Variants in RGL1 observed in about 807,000 individuals in gnomAD.
RGL1 encodes the protein ral guanine nucleotide dissociation stimulator-like 1.
A neutral mutation model predicts 95.2 loss-of-function variants in RGL1; 24 were observed. The ratio of observed to expected loss-of-function variants is 0.25; its 90% CI spans 0.18 to 0.35. The LOEUF is 0.35. Among genes scored for constraint, RGL1 ranks in the 10% least tolerant of loss-of-function variants. The probability of loss-of-function intolerance (pLI) is 1.00; values close to 1 mark genes in which losing one functional copy is unlikely to be tolerated. For synonymous variants in RGL1, 329 were observed against 344.9 expected, an observed-to-expected ratio of 0.95 and a Z score of 0.51; for missense variants, 715 against 936.3, an observed-to-expected ratio of 0.76 and a Z score of 3.08.
At chr1:183,806,629 A>G (rs1433337182) in intron 2 of RGL1, 144 bp downstream of exon 2, 2 of 613,320 alleles carry the variant, frequency 3.3e-6, no homozygotes, top group Non-Finnish European at 5.7e-6. Flanking sequence ...AAGTGTTTGC[A>G]CTAGCTGAAC....
At chr1:183,873,500 T>A (rs1666306283) in intron 4 of RGL1, among the ~76,000 whole-genome samples, 1 of 152,162 alleles carries the variant, frequency 6.6e-6, no homozygotes, top group South Asian at 2.1e-4. Flanking sequence ...GGTCTGATAT[T>A]TGAACTCCCG....
intron 1 of RGL1, among the ~76,000 whole-genome samples, chr1:183,682,291 C>T (rs1329975658): frequency 6.6e-6 from 1 of 152,154 alleles, no homozygotes; most frequent in East Asian, 1.9e-4. Context: ...TTCCTGGTTT[C>T]TCCTGTGGGC....
At chr1:183,726,492 T>TA (rs1656320493) in intron 1 of RGL1, among the ~76,000 whole-genome samples, 1 of 152,176 alleles carries the variant, frequency 6.6e-6, no homozygotes, top group East Asian at 1.9e-4. Context: ...GGGAATATTA[T>TA]AAAAAAACTT....
exon 2 of RGL1, chr1:183,742,226 A>G: frequency 1.2e-5 from 19 of 1,614,154 alleles, no homozygotes; most frequent in Non-Finnish European, 1.6e-5. Context: ...CCAAGGTAGA[A>G]AGCACGGGAC....
At chr1:183,681,817 G>C (rs1653236803) in intron 1 of RGL1, among the ~76,000 whole-genome samples, 1 of 152,024 alleles carries the variant, frequency 6.6e-6, no homozygotes, top group South Asian at 2.1e-4. Flanking sequence ...GGGTTTTTTT[G>C]GTTGGTAGAC....
intron 4 of RGL1, among the ~76,000 whole-genome samples, chr1:183,876,919 T>C (rs149289565): frequency 3.2e-3 from 484 of 152,376 alleles, no homozygotes; most frequent in African/African-American, 0.011. Flanking sequence ...CTATGACTTC[T>C]GGCAAGTAGT....
chr1:183,746,654 T>A (rs529354085), intron 2 of RGL1, among the ~76,000 whole-genome samples: 3 of 142,994 alleles, frequency 2.1e-5, no homozygotes, highest in African/African-American at 9.0e-5. Flanking sequence ...TCTTATATAT[T>A]TTTTTAATAT....
At chr1:183,730,029 C>T (rs1437631408) in intron 1 of RGL1, among the ~76,000 whole-genome samples, 2 of 152,106 alleles carry the variant, frequency 1.3e-5, no homozygotes, top group African/African-American at 4.8e-5. Context: ...ATGTTCTAAT[C>T]TTGACTTTAG....
At chr1:183,875,724 A>G (rs1417704432) in intron 4 of RGL1, among the ~76,000 whole-genome samples, 10 of 151,906 alleles carry the variant, frequency 6.6e-5, no homozygotes, top group African/African-American at 2.4e-4. Context: ...AAAAAGAAAA[A>G]AAAAATTAGC....
chr1:183,647,480 G>A, intron 1 of RGL1: 1 of 781,994 alleles, frequency 1.3e-6, no homozygotes, highest in Non-Finnish European at 1.8e-6. Context: ...AGATCAAGTT[G>A]CTTATGGAAA....
chr1:183,800,073 A>G (rs1418005688), intron 2 of RGL1, among the ~76,000 whole-genome samples: 1 of 152,220 alleles, frequency 6.6e-6, no homozygotes, highest in Non-Finnish European at 1.5e-5. Context: ...TTGGCAAGTC[A>G]TCCAGAGCTG....
intron 2 of RGL1, among the ~76,000 whole-genome samples, chr1:183,763,448 C>T (rs2102311952): frequency 6.6e-6 from 1 of 152,154 alleles, no homozygotes; most frequent in African/African-American, 2.4e-5. Context: ...AAACAAGCTG[C>T]CTATACTTTT....
intron 1 of RGL1, among the ~76,000 whole-genome samples, chr1:183,658,299 C>T (rs149440045): frequency 0.018 from 2,724 of 152,318 alleles, 84 homozygotes; most frequent in African/African-American, 0.063. Flanking sequence ...AGTTCCCTTT[C>T]CTAGTCAAAG....
intron 2 of RGL1, among the ~76,000 whole-genome samples, chr1:183,787,838 A>T (rs1419161276): frequency 6.6e-6 from 1 of 151,408 alleles, no homozygotes; most frequent in East Asian, 1.9e-4. Flanking sequence ...AAAAAAAAAG[A>T]GCCTGGCACC....
chr1:183,689,722 A>G (rs1167700733), intron 1 of RGL1, among the ~76,000 whole-genome samples: 1 of 152,172 alleles, frequency 6.6e-6, no homozygotes, highest in African/African-American at 2.4e-5. Flanking sequence ...CATAGATACA[A>G]CTCATAAAGT....
intron 3 of RGL1, among the ~76,000 whole-genome samples, chr1:183,863,249 G>A (rs929315169): frequency 2.0e-5 from 3 of 152,168 alleles, no homozygotes; most frequent in Non-Finnish European, 4.4e-5. Flanking sequence ...TAAGACTTTC[G>A]CCTTTTCTCA....
At chr1:183,763,273 G>T (rs1451270651) in intron 2 of RGL1, among the ~76,000 whole-genome samples, 2 of 152,120 alleles carry the variant, frequency 1.3e-5, no homozygotes, top group Non-Finnish European at 2.9e-5. Context: ...AGCATTAGGA[G>T]AAATACCTAA....
At chr1:183,743,858 T>C (rs1359982415) in intron 2 of RGL1, among the ~76,000 whole-genome samples, 2 of 152,140 alleles carry the variant, frequency 1.3e-5, no homozygotes, top group Non-Finnish European at 2.9e-5. Flanking sequence ...GTAACAGAAA[T>C]TGACTAAATT....
At chr1:183,844,188 G>A (rs941206831) in intron 2 of RGL1, among the ~76,000 whole-genome samples, 5 of 152,148 alleles carry the variant, frequency 3.3e-5, no homozygotes, top group African/African-American at 1.2e-4. Flanking sequence ...TTTTGGCCAG[G>A]TCTTTTGAAG....
Sources: gnomAD v4.1 joint callset for allele counts (sites outside exome capture counted in the v4.1 genomes callset) on GRCh38, gnomAD v4.1.1 for gene constraint, MANE v1.5 for transcripts, NCBI Gene and HGNC (gene_info 2026-07-23, HGNC 2026-07-21) for gene names.